The following ZNF880 variants were observed in gnomAD, a reference collection of about 807,000 sequenced individuals.
ZNF880 encodes the protein zinc finger protein 880, also known as zinc finger protein LOC400713.
Under a neutral mutation model 11.8 loss-of-function variants are expected in ZNF880, and 12 were observed. The ratio of observed to expected loss-of-function variants is 1.02; its 90% confidence interval spans 0.65 to 1.65. The LOEUF (loss-of-function observed/expected upper bound fraction) is 1.65. ZNF880 is among the 40% of genes most tolerant of loss of function. The pLI is 0.00. For synonymous variants in ZNF880, 210 were observed against 232.4 expected (o/e 0.90, Z 0.88); for missense variants, 601 against 673.9 (o/e 0.89, Z 1.20).
chr19:52,385,488 A>C lies in ZNF880; in HGVS notation c.*174A>C. On this transcript the variant is annotated 3_prime_UTR_variant, in exon 4 of 4. Transcript: ENST00000422689. ...GAAATCATAGCAATGTATGTGAATC[A>C]GGTCTCTTGAGGCCTGCCAAATGAC... 1.4e-6 allele frequency: 1 copy of C among 728,048 alleles called. No homozygotes were observed. The highest frequency in any genetic ancestry group is 2.2e-6 in the Non-Finnish European group (1 of 457,460). The allele number at this position is 728,048 out of a possible 1,614,324, so 45.1% of individuals were successfully genotyped here. A position where few individuals can be genotyped will look rare whatever the true frequency, so the allele number is the denominator to read the frequency against.
chr19:52,370,725 A>G (rs1986340899), intron 1 of ZNF880: 1 of 152,264 alleles, frequency 6.6e-6, no homozygotes, highest in African/African-American at 2.4e-5. Flanking sequence ...AATAATGTTT[A>G]TAAACTGAAT....
rs1207155581 is a variant in ZNF880 at position 52,379,604 on chromosome 19, A to G, written c.269-4245A>G. On this transcript the variant is annotated intron_variant, in intron 3 of 3. Coordinates refer to ENST00000422689, the MANE Select transcript of ZNF880 (RefSeq NM_001145434.2). ...GAGACAGGGTTTCACTCTGCTGCCC[A>G]GGCTAGATGGCAGTGGTGCAGTTTT... 3 of 329,260 alleles carry G rather than the reference A, an allele frequency of 9.1e-6. No individual in the cohort carries two copies. The East Asian group carries it at 2.8e-4, about 31-fold the overall frequency. 20.4% of individuals were successfully genotyped at this position (329,260 alleles called of 1,614,324 possible).
At position 52,384,855 on chromosome 19, in the gene ZNF880, C is replaced by T. The variant is rs901618941; in HGVS notation, c.1275C>T (p.Ala425=). 1 of 1,464,384 alleles carries T rather than the reference C, an allele frequency of 6.8e-7. No individual in the cohort carries two copies. Among genetic ancestry groups the T allele is most frequent in the African/African-American group, 1.7e-5 (1 of 57,992 alleles). The allele number at this position is 1,464,384 out of a possible 1,614,324, so 90.7% of individuals were successfully genotyped here. Reference sequence around the variant, plus strand: ...TTAGAGACTGTTCAGGCCTTACTGCCCATCTACTAATTCACACTGGAGAGA... The same window carrying T: ...TTAGAGACTGTTCAGGCCTTACTGCTCATCTACTAATTCACACTGGAGAGA... The part of the protein sequence containing the change: ...KAFRDCSGLT[A]HLLIHTGEKP... The change falls in exon 4 of 4, where the codon GCC becomes GCT. Residue 425 remains alanine (A), a synonymous_variant. Coordinates refer to ENST00000422689, the MANE Select transcript of ZNF880 (RefSeq NM_001145434.2).
At chr19:52,367,103 A>G (rs977816207), upstream of ZNF880, 8 of 185,522 alleles carry the variant, frequency 4.3e-5, no homozygotes, top group Non-Finnish European at 6.4e-5. Flanking sequence ...TTTAAGTAAT[A>G]AAGTTTAAAG....
chr19:52,389,235 C>T (rs1332108258), downstream of ZNF880: 1 of 152,194 alleles, frequency 6.6e-6, no homozygotes, highest in African/African-American at 2.4e-5. Context: ...AGTCTTATTT[C>T]AGCATTAACT....
intron 3 of ZNF880, chr19:52,379,423 T>A (rs1261825202): frequency 2.3e-6 from 1 of 429,578 alleles, no homozygotes; most frequent in Non-Finnish European, 4.6e-6. Context: ...TTTGATAGAG[T>A]CTCGCTCTGT....
chr19:52,376,691 G>A (rs986018032), intron 3 of ZNF880, among the ~76,000 whole-genome samples: 2 of 151,796 alleles, frequency 1.3e-5, no homozygotes, highest in African/African-American at 4.8e-5. Context: ...TGTATTTTTA[G>A]TAGAGACGGG....
chr19:52,381,200 T>C (rs974263161), intron 3 of ZNF880, among the ~76,000 whole-genome samples: 15 of 152,194 alleles, frequency 9.9e-5, no homozygotes, highest in Non-Finnish European at 4.4e-5. Context: ...TCCTCCTGCC[T>C]CAGCCTCCCA....
rs193302009 is a variant in ZNF880, at chr19:52,372,445, G to C, written c.13-666G>C. ...TGGGACTACAGGCGCCCGCCACTAC[G>C]CCTGGCTAATTTTTTTGTATTTTTA... On this transcript the variant is annotated intron_variant, in intron 1 of 3. Transcript: ENST00000422689. Among the ~76,000 whole-genome samples the C allele has an allele frequency of 4.0e-5, 6 of 148,790 alleles. No individual in the cohort carries two copies. The East Asian group carries it at 1.3e-3, about 32-fold the overall frequency.
intron 1 of ZNF880, among the ~76,000 whole-genome samples, chr19:52,371,644 G>A (rs1157336413): frequency 3.3e-5 from 5 of 152,076 alleles, no homozygotes; most frequent in Non-Finnish European, 7.4e-5. Context: ...CCAAAGTGCT[G>A]GGATTGCAGG....
intron 3 of ZNF880, chr19:52,379,904 T>TA (rs1986661712): frequency 6.6e-6 from 1 of 151,758 alleles, no homozygotes. Context: ...TTTTTTTTTT[T>TA]ATTATTATTT....
the ZNF880 span, among the ~76,000 whole-genome samples, chr19:52,393,257 G>C: frequency 6.6e-6 from 1 of 151,652 alleles, no homozygotes; most frequent in African/African-American, 2.4e-5. Flanking sequence ...ATTTTTAGTA[G>C]AGAGAGGGTT....
At chr19:52,379,992 G>C (rs558404146) in intron 3 of ZNF880, 1 of 152,024 alleles carries the variant, frequency 6.6e-6, no homozygotes, top group Non-Finnish European at 1.5e-5. Context: ...CCGTCTCCCA[G>C]GTTCAAGTGA....
intron 3 of ZNF880, among the ~76,000 whole-genome samples, chr19:52,376,547 T>C (rs1021792394): frequency 7.9e-6 from 1 of 125,852 alleles, no homozygotes; most frequent in African/African-American, 3.0e-5. Context: ...TCTTGCTCTG[T>C]CGCCCAGGCT....
chr19:52,373,056 A>C, intron 1 of ZNF880, 55 bp from the exon 2 acceptor site: 1 of 1,599,938 alleles, frequency 6.3e-7, no homozygotes. Context: ...AGTCCTTACA[A>C]CTGTCTCCTC....
Position 52,385,375 on chromosome 19 carries a change from T to G in ZNF880, c.*61T>G. 6.7e-7 allele frequency: 1 copy of G among 1,502,102 alleles called. No homozygotes were observed. The highest frequency in any genetic ancestry group is 2.1e-5 in the Admixed American group (1 of 47,606). The allele number at this position is 1,502,102 out of a possible 1,614,324, so 93.0% of individuals were successfully genotyped here. On this transcript the variant is annotated 3_prime_UTR_variant, in exon 4 of 4. Transcript: ENST00000422689. Reference sequence around the variant, plus strand: ...CCTTGCACAGCATGAGATAATTCATTCATGAGAGAGTTCTTACAAACTGAG... The same window carrying G: ...CCTTGCACAGCATGAGATAATTCATGCATGAGAGAGTTCTTACAAACTGAG...
At position 52,385,439 on chromosome 19, in the gene ZNF880, A is replaced by C; in HGVS notation, c.*125A>C. The C allele has an allele frequency of 2.7e-6, 3 of 1,120,548 alleles. No homozygotes were observed. In the South Asian group the frequency reaches 5.0e-5, roughly 19 times the overall value. The allele number at this position is 1,120,548 out of a possible 1,614,324, so 69.4% of individuals were successfully genotyped here. The stretch of plus-strand genomic sequence containing the variant: ...TCATGCTAAGTTCTAGCATTAATCA[A>C]CATCAGAGATTCCATACTAAAGAGA... On this transcript the variant is annotated 3_prime_UTR_variant, in exon 4 of 4. Transcript: ENST00000422689.
rs554879983 is a variant in ZNF880 at position 52,379,467 on chromosome 19, C to T, written c.269-4382C>T. On this transcript the variant is annotated intron_variant, in intron 3 of 3. Coordinates refer to ENST00000422689, the MANE Select transcript of ZNF880 (RefSeq NM_001145434.2). ...CTGGAGTGCAATGCCGCGATCTCGG[C>T]TCACTGCAACCTTCGCTTCCTGGAT... The T allele has an allele frequency of 3.8e-5, 17 of 447,980 alleles. No homozygotes were observed. In the East Asian group the frequency reaches 1.0e-3, roughly 27 times the overall value. 27.8% of individuals were successfully genotyped at this position (447,980 alleles called of 1,614,324 possible). A position where few individuals can be genotyped will look rare whatever the true frequency, so the allele number is the denominator to read the frequency against.
At chr19:52,374,982 C>T (rs1302136862) in intron 3 of ZNF880, among the ~76,000 whole-genome samples, 2 of 151,978 alleles carry the variant, frequency 1.3e-5, no homozygotes, top group African/African-American at 4.8e-5. Flanking sequence ...AACTATTCTT[C>T]CCACCTGGCC....
Sources: gnomAD v4.1 joint callset for allele counts (sites outside exome capture counted in the v4.1 genomes callset) on GRCh38, gnomAD v4.1.1 for gene constraint, MANE v1.5 for transcripts, NCBI Gene and HGNC (gene_info 2026-07-23, HGNC 2026-07-21) for gene names.